The following MICAL2 variants were observed in gnomAD, a reference collection of about 807,000 sequenced individuals.
MICAL2 encodes microtubule associated monooxygenase, calponin and LIM domain containing 2, also known as [F-actin]-monooxygenase MICAL2.
Under a neutral mutation model 127.3 loss-of-function variants are expected in MICAL2, and 77 were observed. That is an observed-to-expected ratio of 0.60 (90% CI 0.50 to 0.73). The LOEUF (loss-of-function observed/expected upper bound fraction) is 0.73, where lower values mean the gene tolerates loss of function less well. Ranked by LOEUF, MICAL2 falls within the 30% of genes least tolerant of loss-of-function variation. The pLI, the probability that MICAL2 is intolerant of heterozygous loss-of-function variation, is 0.00. For synonymous variants in MICAL2, 570 were observed against 551.1 expected (o/e 1.03, Z -0.48); for missense variants, 1,351 against 1,434.4 (o/e 0.94, Z 0.94).
At chr11:12,114,068 TACAA>T (rs1248403279) in intron 1 of MICAL2, among the ~76,000 whole-genome samples, 1 of 152,190 alleles carries the variant, frequency 6.6e-6, no homozygotes, top group African/African-American at 2.4e-5. Context: ...TCAAAAATAT[TACAA>T]ACATTTTCAC....
At chr11:12,242,607 A>G (rs1247872001) in intron 19 of MICAL2, 64 bp from the exon 20 acceptor site, 1 of 1,523,010 alleles carries the variant, frequency 6.6e-7, no homozygotes, top group East Asian at 2.3e-5. Context: ...ACTTCTTGGA[A>G]GCCAACTGTC....
At position 12,179,516 on chromosome 11, in the gene MICAL2, C is replaced by T. The variant is rs144030628; in HGVS notation, c.264+17097C>T. On this transcript the variant is annotated intron_variant, in intron 3 of 27. Coordinates refer to ENST00000683283, the MANE Select transcript of MICAL2 (RefSeq NM_001282663.2). ...GCTGCTTCTCTTACCATGTCATTCT[C>T]ATGAGACCTGCTGCAAATCCACCTT... Among the ~76,000 whole-genome samples, 492 of 152,340 alleles carry T rather than the reference C, an allele frequency of 3.2e-3. 2 individuals carry two copies. The highest frequency in any genetic ancestry group is 9.5e-3 in the South Asian group (46 of 4,824).
chr11:12,319,603 G>A, intron 29 of MICAL2: 1 of 889,602 alleles, frequency 1.1e-6, no homozygotes, highest in Non-Finnish European at 1.8e-6. Flanking sequence ...GGAAGGGAAT[G>A]AGAGTAAGTG....
At chr11:12,284,754 T>G (rs575234406) in intron 2 of MICAL2, among the ~76,000 whole-genome samples, 52 of 151,724 alleles carry the variant, frequency 3.4e-4, no homozygotes, top group African/African-American at 1.1e-3. Flanking sequence ...AATTGGGGGG[T>G]GGGCTATTCA....
intron 32 of MICAL2, among the ~76,000 whole-genome samples, chr11:12,329,774 A>G (rs1038080675): frequency 2.6e-5 from 4 of 151,122 alleles, no homozygotes; most frequent in African/African-American, 9.7e-5. Context: ...CTTTTAAAGA[A>G]TTTGTCTAAT....
intron 2 of MICAL2, among the ~76,000 whole-genome samples, chr11:12,141,489 A>C (rs1852345140): frequency 6.6e-6 from 1 of 152,078 alleles, no homozygotes; most frequent in East Asian, 1.9e-4. Flanking sequence ...TGATCTTTGT[A>C]GCTTTGCCAT....
downstream of MICAL2, chr11:12,292,123 G>A: frequency 6.2e-7 from 1 of 1,610,198 alleles, no homozygotes; most frequent in Non-Finnish European, 8.5e-7. Flanking sequence ...GTAATGAAGA[G>A]TGTGTTCTTT....
At chr11:12,111,721 T>C (rs1849622316) in intron 1 of MICAL2, among the ~76,000 whole-genome samples, 1 of 152,250 alleles carries the variant, frequency 6.6e-6, no homozygotes, top group South Asian at 2.1e-4. Context: ...ACAATGATTT[T>C]GGTGAAGGAT....
At chr11:12,184,524 A>C (rs1192949093) in intron 3 of MICAL2, among the ~76,000 whole-genome samples, 2 of 152,240 alleles carry the variant, frequency 1.3e-5, no homozygotes, top group Non-Finnish European at 2.9e-5. Context: ...CTGAACTGTC[A>C]TCTGTCCCAG....
chr11:12,126,276 A>G (rs934284954), intron 1 of MICAL2, among the ~76,000 whole-genome samples: 1 of 152,080 alleles, frequency 6.6e-6, no homozygotes, highest in African/African-American at 2.4e-5. Flanking sequence ...CCTCTTGTGA[A>G]CTCCAGTATT....
At position 12,246,672 on chromosome 11, in the gene MICAL2, C is replaced by T. The variant is rs1333531785; in HGVS notation, c.2785-2512C>T. On this transcript the variant is annotated intron_variant, in intron 21 of 27. Coordinates refer to ENST00000683283, the MANE Select transcript of MICAL2 (RefSeq NM_001282663.2). ...ACAGAGTGCAGTGGTATGATCATAG[C>T]TCACTGCGTCCTCAAACTTTGGGAC... is the stretch of plus-strand genomic sequence containing the variant. Among the ~76,000 whole-genome samples the T allele has an allele frequency of 2.0e-5, 3 of 152,184 alleles. No homozygotes were observed. The East Asian group carries it at 5.8e-4, about 29-fold the overall frequency.
Position 12,222,644 on chromosome 11 carries a change from G to A in MICAL2, c.1350G>A (p.Gln450=), listed in dbSNP as rs775476180. 1 of 1,614,230 alleles carries A rather than the reference G, an allele frequency of 6.2e-7. No individual in the cohort carries two copies. The highest frequency in any genetic ancestry group is 8.5e-7 in the Non-Finnish European group (1 of 1,180,056). The change falls in exon 11 of 28, where the codon CAG becomes CAA. Residue 450 remains glutamine, a synonymous_variant. Transcript: ENST00000683283. ...ERESLYRLLP[Q]TTPENINKNF... is the part of the protein sequence containing the mutation. ...AAAGTCTCTACCGGCTGTTACCTCA[G>A]ACAACCCCGGAGAACATCAACAAGA...
chr11:12,285,745 A>G (rs1178291138), intron 2 of MICAL2, among the ~76,000 whole-genome samples: 1 of 152,256 alleles, frequency 6.6e-6, no homozygotes, highest in Non-Finnish European at 1.5e-5. Context: ...AAAGAGTTCC[A>G]CTGTGAGACC....
intron 29 of MICAL2, among the ~76,000 whole-genome samples, chr11:12,312,765 C>T (rs921602972): frequency 2.6e-5 from 4 of 152,178 alleles, no homozygotes; most frequent in African/African-American, 9.7e-5. Context: ...TGCTAATAGA[C>T]TGGGGAAACC....
At chr11:12,342,779 C>T (rs1048130200) in intron 32 of MICAL2, among the ~76,000 whole-genome samples, 7 of 152,338 alleles carry the variant, frequency 4.6e-5, no homozygotes, top group African/African-American at 1.4e-4. Context: ...CGTGAGGTTA[C>T]GTGCCCAAAG....
chr11:12,182,220 GT>G (rs1857563007), intron 3 of MICAL2, among the ~76,000 whole-genome samples: 1 of 152,170 alleles, frequency 6.6e-6, no homozygotes, highest in African/African-American at 2.4e-5. Flanking sequence ...GTTTTATCAA[GT>G]TACTGAGATG....
chr11:12,358,653 C>A (rs1361779148), downstream of MICAL2: 8 of 522,396 alleles, frequency 1.5e-5, no homozygotes, highest in Middle Eastern at 5.5e-4. Flanking sequence ...CAAGGTTCTT[C>A]CAGAGATTCA....
intron 6 of MICAL2, among the ~76,000 whole-genome samples, chr11:12,212,620 G>A (rs866947685): frequency 1.3e-5 from 2 of 152,114 alleles, no homozygotes; most frequent in African/African-American, 4.8e-5. Context: ...CAGTCATATT[G>A]GAGTAAGCTG....
In MICAL2 at chr11:12,262,496, A is replaced by T. The variant is rs1863269125; in HGVS notation, c.3351A>T (p.Pro1117=). 3 of 1,613,768 alleles carry T rather than the reference A, an allele frequency of 1.9e-6. No homozygotes were observed. The highest frequency in any genetic ancestry group is 2.5e-6 in the Non-Finnish European group (3 of 1,179,924). ...GGCCATCAGTTCATTTCAGCCTTCCAGTGCTACACCCACTTCTTGGCTGAC... is the reference window on the plus strand; with the variant it reads ...GGCCATCAGTTCATTTCAGCCTTCCTGTGCTACACCCACTTCTTGGCTGAC... The part of the protein sequence containing the change: ...EGSPPVHFSL[P]VLHPLLG The change falls in exon 27 of 28, where the codon CCA becomes CCT. Residue 1117 remains proline (P), a synonymous_variant. Transcript: ENST00000683283.
Sources: gnomAD v4.1 joint callset for allele counts (sites outside exome capture counted in the v4.1 genomes callset) on GRCh38, gnomAD v4.1.1 for gene constraint, MANE v1.5 for transcripts, NCBI Gene and HGNC (gene_info 2026-07-23, HGNC 2026-07-21) for gene names.